TMEM41A: variants seen among roughly 807,000 people sequenced by gnomAD.
The protein encoded by TMEM41A is transmembrane protein 41A.
In TMEM41A, 20 loss-of-function variants were observed where a neutral mutation model predicts 25.7. The observed-to-expected ratio is 0.78, with a 90% CI of 0.55 to 1.13. The LOEUF is 1.13. TMEM41A is among the 50% of genes most tolerant of loss of function. The pLI, the probability that TMEM41A is intolerant of heterozygous loss-of-function variation, is 0.00. For missense variants in TMEM41A, 299 were observed against 314.3 expected (o/e 0.95, Z 0.37); for synonymous variants, 133 against 139.6 (o/e 0.95, Z 0.33).
At chr3:185,497,128 A>G (rs777287518) in intron 1 of TMEM41A, 147 bp from the exon 2 acceptor site, 8 of 1,088,950 alleles carry the variant, frequency 7.3e-6, no homozygotes, top group South Asian at 1.6e-5. Context: ...CCAATGACAG[A>G]TGACCTGATA....
intron 1 of TMEM41A, among the ~76,000 whole-genome samples, chr3:185,497,929 C>T (rs905032503): frequency 2.0e-5 from 3 of 152,192 alleles, no homozygotes; most frequent in African/African-American, 7.2e-5. Flanking sequence ...GTAAGTATTG[C>T]TCTGCCTCCT....
In TMEM41A at chr3:185,491,488, A is replaced by G; in HGVS notation, c.*49T>C. The G allele has an allele frequency of 6.7e-7, 1 of 1,489,544 alleles. No homozygotes were observed. The highest frequency in any genetic ancestry group is 9.3e-7 in the Non-Finnish European group (1 of 1,073,446). The allele number at this position is 1,489,544 out of a possible 1,614,324, so 92.3% of individuals were successfully genotyped here. ...GGGGCTTTAGAGGACCACATCCATT[A>G]CACAAATAAGCAACTGAGTCCAGGG... is the stretch of plus-strand genomic sequence containing the variant. On this transcript the variant is annotated 3_prime_UTR_variant, in exon 5 of 5. Transcript: ENST00000421852.
intron 4 of TMEM41A, chr3:185,493,245 C>T (rs1466246039): frequency 1.3e-5 from 2 of 152,226 alleles, no homozygotes; most frequent in African/African-American, 4.8e-5. Flanking sequence ...AAACACTGCT[C>T]TAGTCCCAGC....
chr3:185,498,683 G>GCGGGCCCGGATAC, intron 1 of TMEM41A, 160 bp downstream of exon 1: 1 of 610,546 alleles, frequency 1.6e-6, no homozygotes. Flanking sequence ...CCGTGCGGAC[G>GCGGGCCCGGATAC]CGGGCCCGGA....
intron 1 of TMEM41A, among the ~76,000 whole-genome samples, chr3:185,497,521 C>T (rs1210605567): frequency 6.6e-6 from 1 of 152,192 alleles, no homozygotes; most frequent in African/African-American, 2.4e-5. Flanking sequence ...ATATCTATCC[C>T]ATAGGATAAA....
At chr3:185,494,578 G>T in intron 4 of TMEM41A, 45 bp downstream of exon 4, 1 of 1,521,312 alleles carries the variant, frequency 6.6e-7, no homozygotes, top group Non-Finnish European at 8.8e-7. Context: ...CAGACCCCCA[G>T]CGTGACAGCT....
rs776157370 is a variant in TMEM41A, at chr3:185,490,648, A to C, written c.*889T>G. ...ACAGAAATCATCATGTATGTGAGCA[A>C]CACGTGGAAGTCCTAGGCAGTTCGT... is the stretch of plus-strand genomic sequence containing the variant. On this transcript the variant is annotated 3_prime_UTR_variant, in exon 5 of 5. Coordinates refer to ENST00000421852, the MANE Select transcript of TMEM41A (RefSeq NM_080652.4). 3.3e-5 allele frequency: 5 copies of C among 152,250 alleles called. No individual in the cohort carries two copies. The highest frequency in any genetic ancestry group is 5.9e-5 in the Non-Finnish European group (4 of 68,046). 9.4% of individuals were successfully genotyped at this position (152,250 alleles called of 1,614,324 possible). A position where few individuals can be genotyped will look rare whatever the true frequency, so the allele number is the denominator to read the frequency against.
At chr3:185,495,390 C>A in intron 2 of TMEM41A, 75 bp from the exon 3 acceptor site, 1 of 1,426,248 alleles carries the variant, frequency 7.0e-7, no homozygotes, top group South Asian at 1.3e-5. Flanking sequence ...GCCTGAGAGT[C>A]ATAGGTTCCC....
At chr3:185,495,081 C>T (rs1413458689) in intron 3 of TMEM41A, 73 bp downstream of exon 3, 2 of 1,548,140 alleles carry the variant, frequency 1.3e-6, no homozygotes, top group Middle Eastern at 2.0e-4. Context: ...ATCCCTGCCA[C>T]TCGCTTCTCT....
At chr3:185,494,518 G>T in intron 4 of TMEM41A, 105 bp downstream of exon 4, 2 of 1,280,488 alleles carry the variant, frequency 1.6e-6, no homozygotes, top group Non-Finnish European at 2.1e-6. Context: ...CACTTTGTGA[G>T]CCTGTGTTCT....
chr3:185,498,254 G>A (rs1719165616), intron 1 of TMEM41A: 1 of 143,220 alleles, frequency 7.0e-6, no homozygotes, highest in African/African-American at 2.6e-5. Flanking sequence ...GACAGAGCAA[G>A]ACTCCGTCTC....
rs1198508827 is a variant in TMEM41A, at chr3:185,494,719, A to G, written c.478T>C (p.Leu160=). The G allele has an allele frequency of 6.2e-7, 1 of 1,612,950 alleles. No individual in the cohort carries two copies. Among genetic ancestry groups the G allele is most frequent in the Non-Finnish European group, 8.5e-7 (1 of 1,179,734 alleles). The change falls in exon 4 of 5, where the codon TTG becomes CTG. Residue 160 remains leucine (L), a synonymous_variant. Transcript: ENST00000421852. ...TTTGGTGTCATGGGGAAAAGTCTCAAAAACAATAAGAAAAAAAACAAGCTG... is the reference window on the plus strand; with the variant it reads ...TTTGGTGTCATGGGGAAAAGTCTCAGAAACAATAAGAAAAAAAACAAGCTG... ...RNSLFFFLLF[L]RLFPMTPNWF...
intron 4 of TMEM41A, chr3:185,493,474 G>A (rs6779842): frequency 0.47 from 70,911 of 151,974 alleles, 16,817 homozygotes; most frequent in Middle Eastern, 0.52. Flanking sequence ...TAGTTGATGT[G>A]TGGTGTAGCC....
At chr3:185,495,365 G>T in intron 2 of TMEM41A, 50 bp from the exon 3 acceptor site, 1 of 1,575,958 alleles carries the variant, frequency 6.3e-7, no homozygotes, top group African/African-American at 1.3e-5. Flanking sequence ...CAGCTACCAG[G>T]CACGTCATCT....
chr3:185,495,338 G>A (rs1300295586), intron 2 of TMEM41A, 23 bp from the exon 3 acceptor site: 2 of 1,607,210 alleles, frequency 1.2e-6, no homozygotes, highest in African/African-American at 2.7e-5. Context: ...CAAACCCTCA[G>A]GCATGTGAAC....
At position 185,496,902 on chromosome 3, in the gene TMEM41A, C is replaced by A; in HGVS notation, c.199G>T (p.Ala67Ser). ...VLREYRKEHQ[A>S]YVFLLFCGAY... ...CCGCAGAAGAGCAGGAACACGTAGG[C>A]CTGGTGCTCCTTCCGGTACTCTCGA... The change falls in exon 2 of 5, where the codon GCC (alanine) becomes TCC (serine). Residue 67 changes from alanine to serine, a missense_variant. Ala to Ser is a moderately conservative substitution (Grantham distance 99). Coordinates refer to ENST00000421852, the MANE Select transcript of TMEM41A (RefSeq NM_080652.4). The A allele has an allele frequency of 1.9e-6, 3 of 1,605,424 alleles. No homozygotes were observed. Among genetic ancestry groups the A allele is most frequent in the Non-Finnish European group, 2.5e-6 (3 of 1,177,140 alleles).
chr3:185,496,127 A>C (rs1351230030), intron 2 of TMEM41A: 1 of 153,924 alleles, frequency 6.5e-6, no homozygotes, highest in Non-Finnish European at 1.5e-5. Context: ...AGAAAAAGGG[A>C]AAAGTGAACC....
At position 185,495,289 on chromosome 3, in the gene TMEM41A, C is replaced by G; in HGVS notation, c.300G>C (p.Gly100=). The change falls in exon 3 of 5, where the codon GGG becomes GGC. Residue 100 remains glycine, a synonymous_variant. Transcript: ENST00000421852. ...FLNVLAGALF[G]PWLGLLLCCV... ...AGCACAGCAGAAGCCCCAGCCATGG[C>G]CCAAACAAGGCACCAGCTAAAACAT... The G allele has an allele frequency of 6.2e-7, 1 of 1,613,740 alleles. No individual in the cohort carries two copies. The highest frequency in any genetic ancestry group is 8.5e-7 in the Non-Finnish European group (1 of 1,179,986).
chr3:185,498,783 G>T lies in TMEM41A; in HGVS notation c.119+60C>A, dbSNP rs914334407. On this transcript the variant is annotated intron_variant, in intron 1 of 4. Coordinates refer to ENST00000421852, the MANE Select transcript of TMEM41A (RefSeq NM_080652.4). Reference sequence around the variant, plus strand: ...CGAATCTCCGAATCTCCGATTCCCAGCCCCGGTCCTCGGACCCGGCTCCCT... The same window carrying T: ...CGAATCTCCGAATCTCCGATTCCCATCCCCGGTCCTCGGACCCGGCTCCCT... 8.6e-6 allele frequency: 11 copies of T among 1,272,560 alleles called. No homozygotes were observed. The East Asian group carries it at 2.4e-4, about 28-fold the overall frequency. The allele number at this position is 1,272,560 out of a possible 1,614,324, so 78.8% of individuals were successfully genotyped here. A position where few individuals can be genotyped will look rare whatever the true frequency, so the allele number is the denominator to read the frequency against.
Sources: gnomAD v4.1 joint callset for allele counts (sites outside exome capture counted in the v4.1 genomes callset) on GRCh38, gnomAD v4.1.1 for gene constraint, MANE v1.5 for transcripts, NCBI Gene and HGNC (gene_info 2026-07-23, HGNC 2026-07-21) for gene names.